The following ANO4 variants were observed in gnomAD, a reference collection of about 807,000 sequenced individuals.
ANO4 encodes anoctamin 4.
A neutral mutation model predicts 141.9 loss-of-function variants in ANO4; 69 were observed. That is an observed-to-expected ratio of 0.49 (90% CI 0.40 to 0.59). ANO4 has a LOEUF of 0.59. Among genes scored for constraint, ANO4 ranks in the 20% least tolerant of loss-of-function variants. The pLI, the probability that ANO4 is intolerant of heterozygous loss-of-function variation, is 0.00. For synonymous variants in ANO4, 350 were observed against 394.3 expected, an observed-to-expected ratio of 0.89 and a Z score of 1.33; for missense variants, 894 against 1,162.2, an observed-to-expected ratio of 0.77 and a Z score of 3.36.
intron 14 of ANO4, among the ~76,000 whole-genome samples, chr12:101,067,758 T>G (rs946906164): frequency 6.6e-6 from 1 of 152,214 alleles, no homozygotes; most frequent in African/African-American, 2.4e-5. Context: ...AACAGAGGCT[T>G]AGCTGATTTT....
rs2047442391 is a variant in ANO4 at position 101,042,390 on chromosome 12, G to T, written c.1076G>T (p.Gly359Val). Reference sequence around the variant, plus strand: ...TTTGCCTGGTTGGGCTGGTACACCGGCATGCTCTTCCCAGCTGCCTTCATT... The same window carrying T: ...TTTGCCTGGTTGGGCTGGTACACCGTCATGCTCTTCCCAGCTGCCTTCATT... ...LYFAWLGWYT[G>V]MLFPAAFIGL... is the part of the protein sequence containing the mutation. The change falls in exon 12 of 28, where the codon GGC becomes GTC. Residue 359 changes from glycine to valine, a missense_variant. Physicochemically the swap from Gly to Val is moderately radical, Grantham distance 109. Coordinates refer to ENST00000392977, the MANE Select transcript of ANO4 (RefSeq NM_001286615.2). 6.2e-7 allele frequency: 1 copy of T among 1,614,002 alleles called. No individual in the cohort carries two copies. The highest frequency in any genetic ancestry group is 1.1e-5 in the South Asian group (1 of 91,078).
intron 8 of ANO4, among the ~76,000 whole-genome samples, chr12:100,991,021 G>A (rs1566098447): frequency 2.0e-5 from 3 of 152,132 alleles, no homozygotes. Context: ...GGAAGAAAAA[G>A]CAGAGGACAG....
At chr12:101,034,575 C>T (rs2047117789) in intron 9 of ANO4, among the ~76,000 whole-genome samples, 1 of 150,812 alleles carries the variant, frequency 6.6e-6, no homozygotes, top group Non-Finnish European at 1.5e-5. Context: ...ATGTAACAAA[C>T]CTGCACATCT....
chr12:100,824,727 G>A (rs1039265756), intron 1 of ANO4, among the ~76,000 whole-genome samples: 1 of 152,032 alleles, frequency 6.6e-6, no homozygotes, highest in Non-Finnish European at 1.5e-5. Context: ...AGTACACAAA[G>A]CTCTGAATGT....
At chr12:101,066,032 G>T (rs111359142) in intron 14 of ANO4, among the ~76,000 whole-genome samples, 1 of 152,126 alleles carries the variant, frequency 6.6e-6, no homozygotes, top group Non-Finnish European at 1.5e-5. Flanking sequence ...TTCAATTGAT[G>T]ACAAAGAAAG....
intron 1 of ANO4, among the ~76,000 whole-genome samples, chr12:100,893,336 T>C (rs887783222): frequency 6.6e-6 from 1 of 151,942 alleles, no homozygotes; most frequent in African/African-American, 2.4e-5. Context: ...TGGAGGTGTG[T>C]TCATCAAGTT....
chr12:100,971,719 C>T (rs1267241982), intron 6 of ANO4, among the ~76,000 whole-genome samples: 3 of 152,120 alleles, frequency 2.0e-5, no homozygotes, highest in African/African-American at 7.2e-5. Context: ...CTGCTTTGAA[C>T]AGCCAGACCA....
In ANO4 at chr12:101,106,643, A is replaced by G. The variant is rs566740309; in HGVS notation, c.2150-3761A>G. ...AAAACTCATGTCAGCAATTGTCTCTATGAAGGGAGAGGAAACCACTCAAGA... is the reference window on the plus strand; with the variant it reads ...AAAACTCATGTCAGCAATTGTCTCTGTGAAGGGAGAGGAAACCACTCAAGA... On this transcript the variant is annotated intron_variant, in intron 22 of 27. Transcript: ENST00000392977. Among the ~76,000 whole-genome samples, 9 of 150,126 alleles carry G rather than the reference A, an allele frequency of 6.0e-5. No individual in the cohort carries two copies. In the South Asian group the frequency reaches 1.9e-3, roughly 31 times the overall value.
intron 14 of ANO4, among the ~76,000 whole-genome samples, chr12:101,051,499 G>C (rs2047868620): frequency 6.6e-6 from 1 of 152,186 alleles, no homozygotes; most frequent in Admixed American, 6.5e-5. Flanking sequence ...GAAAAAGAAT[G>C]AGTTGCCCCA....
At chr12:101,040,189 C>A in intron 11 of ANO4, 113 bp downstream of exon 11, 1 of 1,329,290 alleles carries the variant, frequency 7.5e-7, no homozygotes, top group East Asian at 2.5e-5. Flanking sequence ...ACAGCTCTCA[C>A]TCATATCTGG....
At chr12:100,720,410 C>A (rs2030811296) in intron 1 of ANO4, among the ~76,000 whole-genome samples, 1 of 151,666 alleles carries the variant, frequency 6.6e-6, no homozygotes, top group Admixed American at 6.6e-5. Flanking sequence ...GCAATGTGAA[C>A]AGTAAGTGCA....
intron 22 of ANO4, among the ~76,000 whole-genome samples, chr12:101,107,689 C>T (rs1022369229): frequency 6.6e-6 from 1 of 152,084 alleles, no homozygotes; most frequent in Admixed American, 6.5e-5. Context: ...TATTGAGATC[C>T]TTGAATGGCA....
chr12:100,989,873 T>C (rs1326774473), intron 8 of ANO4, among the ~76,000 whole-genome samples: 2 of 150,372 alleles, frequency 1.3e-5, no homozygotes, highest in Admixed American at 1.3e-4. Flanking sequence ...GGTCACCAGA[T>C]GGATGGATGG....
chr12:100,741,902 G>A (rs2031881164), intron 3 of ANO4, among the ~76,000 whole-genome samples: 1 of 152,102 alleles, frequency 6.6e-6, no homozygotes, highest in African/African-American at 2.4e-5. Context: ...AAAGAGGGGT[G>A]TGAAATGGCA....
chr12:101,119,194 C>T (rs915343987), intron 25 of ANO4, among the ~76,000 whole-genome samples: 2 of 152,054 alleles, frequency 1.3e-5, no homozygotes, highest in African/African-American at 4.8e-5. Flanking sequence ...TGCAGTGGCT[C>T]ACCCTGTAAT....
intron 7 of ANO4, among the ~76,000 whole-genome samples, chr12:100,982,947 G>A (rs892946919): frequency 2.0e-5 from 3 of 152,244 alleles, no homozygotes; most frequent in African/African-American, 7.2e-5. Flanking sequence ...GGTTAGGTGA[G>A]GATAAAGGGC....
chr12:101,075,483 G>A (rs1181309107), intron 14 of ANO4, among the ~76,000 whole-genome samples: 1 of 147,386 alleles, frequency 6.8e-6, no homozygotes, highest in Non-Finnish European at 1.5e-5. Flanking sequence ...TGCTTTAGCT[G>A]AGAAAATTCT....
intron 1 of ANO4, among the ~76,000 whole-genome samples, chr12:100,819,572 A>G (rs1364050614): frequency 6.6e-6 from 1 of 151,936 alleles, no homozygotes; most frequent in Non-Finnish European, 1.5e-5. Flanking sequence ...GTATAATTCT[A>G]AATTATTTTG....
intron 27 of ANO4, among the ~76,000 whole-genome samples, chr12:101,127,333 G>A (rs1161182556): frequency 6.6e-6 from 1 of 152,096 alleles, no homozygotes; most frequent in African/African-American, 2.4e-5. Flanking sequence ...TTCATGAATT[G>A]GCCTAGGAGT....
Sources: allele counts gnomAD v4.1 joint callset (sites outside exome capture counted in the v4.1 genomes callset), GRCh38; gene constraint gnomAD v4.1.1; transcripts MANE v1.5; gene names NCBI Gene and HGNC (gene_info 2026-07-23, HGNC 2026-07-21).